PTPRT: variants seen among roughly 807,000 people sequenced by gnomAD.
PTPRT encodes the protein protein tyrosine phosphatase receptor type T, also known as receptor-type tyrosine-protein phosphatase T.
A neutral mutation model predicts 176.8 loss-of-function variants in PTPRT; 56 were observed. The ratio of observed to expected loss-of-function variants is 0.32; its 90% confidence interval spans 0.26 to 0.40. PTPRT has a LOEUF of 0.40. Among genes scored for constraint, PTPRT ranks in the 10% least tolerant of loss-of-function variants. The pLI, the probability that PTPRT is intolerant of heterozygous loss-of-function variation, is 1.00. For missense variants in PTPRT, 1,540 were observed against 1,908.2 expected, an observed-to-expected ratio of 0.81 and a Z score of 3.60; for synonymous variants, 783 against 739.0, an observed-to-expected ratio of 1.06 and a Z score of -0.96.
chr20:42,972,676 C>CAAAAAA (rs33947245), intron 1 of PTPRT, among the ~76,000 whole-genome samples: 20 of 77,578 alleles, frequency 2.6e-4, no homozygotes, highest in East Asian at 9.8e-4. Flanking sequence ...TCTCAAAAAG[C>CAAAAAA]AAAAAAAAAA....
At chr20:43,160,916 C>CT (rs2014676318) in intron 1 of PTPRT, among the ~76,000 whole-genome samples, 1 of 131,234 alleles carries the variant, frequency 7.6e-6, no homozygotes, top group African/African-American at 2.9e-5. Flanking sequence ...AGTGAATTTT[C>CT]TTTAAAAAAA....
chr20:42,847,492 G>A (rs1038897060), intron 2 of PTPRT, among the ~76,000 whole-genome samples: 2 of 152,172 alleles, frequency 1.3e-5, no homozygotes, highest in Non-Finnish European at 2.9e-5. Context: ...TGAAAGGGTC[G>A]CGTGAACACC....
intron 1 of PTPRT, among the ~76,000 whole-genome samples, chr20:43,016,101 C>T (rs530649037): frequency 1.3e-5 from 2 of 152,268 alleles, no homozygotes; most frequent in Admixed American, 1.3e-4. Context: ...CTGCCCCCTT[C>T]ACTCATAGGT....
At chr20:42,439,339 C>T (rs2059291539) in intron 9 of PTPRT, among the ~76,000 whole-genome samples, 1 of 152,146 alleles carries the variant, frequency 6.6e-6, no homozygotes, top group African/African-American at 2.4e-5. Flanking sequence ...AAAAGATTTG[C>T]AAGGGAAGGT....
intron 7 of PTPRT, among the ~76,000 whole-genome samples, chr20:42,591,240 T>C (rs984416808): frequency 6.6e-6 from 1 of 151,876 alleles, no homozygotes; most frequent in African/African-American, 2.4e-5. Flanking sequence ...TAAAAAAAAA[T>C]TGTGTAATGC....
intron 12 of PTPRT, among the ~76,000 whole-genome samples, chr20:42,294,092 C>A (rs138106544): frequency 6.6e-6 from 1 of 152,232 alleles, no homozygotes; most frequent in African/African-American, 2.4e-5. Flanking sequence ...ATCTCTAAAG[C>A]TTTCAACACA....
intron 9 of PTPRT, among the ~76,000 whole-genome samples, chr20:42,370,170 A>G (rs1035119328): frequency 7.2e-5 from 11 of 152,244 alleles, no homozygotes; most frequent in Admixed American, 6.5e-4. Context: ...AGCTTGTCCA[A>G]GAAGTGGAAC....
At position 43,072,360 on chromosome 20, in the gene PTPRT, C is replaced by T. The variant is rs558957627; in HGVS notation, c.88+117286G>A. 4.6e-5 allele frequency among the ~76,000 whole-genome samples: 7 copies of T among 152,298 alleles called. No individual in the cohort carries two copies. In the East Asian group the frequency reaches 7.7e-4, roughly 17 times the overall value. On this transcript the variant is annotated intron_variant, in intron 1 of 30. Transcript: ENST00000373187. ...AGATTAATAACCCTTGTAATTTTAT[C>T]CCAGTCCATGTAATTGCAAGTGCCA...
intron 1 of PTPRT, among the ~76,000 whole-genome samples, chr20:42,955,105 A>G (rs1448590118): frequency 1.3e-5 from 2 of 152,200 alleles, no homozygotes; most frequent in South Asian, 2.1e-4. Context: ...GTGATGCACA[A>G]CACACGTTGC....
At chr20:42,267,086 A>G (rs1197201608) in intron 13 of PTPRT, among the ~76,000 whole-genome samples, 1 of 152,238 alleles carries the variant, frequency 6.6e-6, no homozygotes, top group African/African-American at 2.4e-5. Context: ...CTTTGACTTT[A>G]CAATGCTGCT....
intron 2 of PTPRT, among the ~76,000 whole-genome samples, chr20:42,821,310 C>T (rs573773460): frequency 6.6e-6 from 1 of 152,256 alleles, no homozygotes; most frequent in South Asian, 2.1e-4. Context: ...AAGACAAAAA[C>T]CACATGATTA....
chr20:42,565,202 C>T (rs896754877), intron 7 of PTPRT, among the ~76,000 whole-genome samples: 1 of 152,132 alleles, frequency 6.6e-6, no homozygotes, highest in African/African-American at 2.4e-5. Flanking sequence ...AGCTCACAGC[C>T]CACCCACCTG....
chr20:42,745,002 T>C (rs1159068077), intron 6 of PTPRT, among the ~76,000 whole-genome samples: 1 of 152,184 alleles, frequency 6.6e-6, no homozygotes, highest in East Asian at 1.9e-4. Context: ...TGGCCAGCTT[T>C]ATTGGCCTGA....
At chr20:42,981,385 C>T (rs1252295833) in intron 1 of PTPRT, among the ~76,000 whole-genome samples, 1 of 152,258 alleles carries the variant, frequency 6.6e-6, no homozygotes. Context: ...ATCTACTTCC[C>T]TGTAACCACA....
chr20:42,226,063 G>A (rs1185988353), intron 15 of PTPRT, among the ~76,000 whole-genome samples: 1 of 152,106 alleles, frequency 6.6e-6, no homozygotes, highest in Non-Finnish European at 1.5e-5. Flanking sequence ...TGACTTCCTT[G>A]CCTTTGTTAT....
chr20:43,075,038 C>T (rs2011239362), intron 1 of PTPRT, among the ~76,000 whole-genome samples: 1 of 152,216 alleles, frequency 6.6e-6, no homozygotes, highest in Non-Finnish European at 1.5e-5. Flanking sequence ...CTGGGGAGAT[C>T]TCTGCATGGA....
chr20:42,783,067 A>G (rs1044197641), intron 3 of PTPRT, among the ~76,000 whole-genome samples: 4 of 152,254 alleles, frequency 2.6e-5, no homozygotes, highest in Non-Finnish European at 5.9e-5. Flanking sequence ...TTGCAAAAAA[A>G]TCATATACTA....
intron 7 of PTPRT, among the ~76,000 whole-genome samples, chr20:42,643,496 T>C (rs2074812128): frequency 6.6e-6 from 1 of 151,852 alleles, no homozygotes; most frequent in Admixed American, 6.6e-5. Flanking sequence ...TATTTTTTTT[T>C]AATTGAGACA....
chr20:42,635,850 T>G (rs2074585273), intron 7 of PTPRT, among the ~76,000 whole-genome samples: 1 of 152,140 alleles, frequency 6.6e-6, no homozygotes. Context: ...ATCTGTAAAC[T>G]GCCAGCTTGA....
Sources: allele counts gnomAD v4.1 joint callset (sites outside exome capture counted in the v4.1 genomes callset), GRCh38; gene constraint gnomAD v4.1.1; transcripts MANE v1.5; gene names NCBI Gene and HGNC (gene_info 2026-07-23, HGNC 2026-07-21).